ATOSA: variants seen among roughly 807,000 people sequenced by gnomAD.
The protein encoded by ATOSA is atos homolog protein A.
chr15:52,630,654 C>T, the ATOSA span, among the ~76,000 whole-genome samples: 1 of 152,174 alleles, frequency 6.6e-6, no homozygotes, highest in African/African-American at 2.4e-5. Context: ...GAAGTACATA[C>T]TCTACAACTC....
At chr15:52,661,931 C>CAAAAAAAAAAAAAAAAAAAAAAA in the ATOSA span, among the ~76,000 whole-genome samples, 3 of 73,258 alleles carry the variant, frequency 4.1e-5, no homozygotes, top group Non-Finnish European at 7.0e-5. Context: ...CAAGCCAGGC[C>CAAAAAAAAAAAAAAAAAAAAAAA]AAAAAAAAAA....
chr15:52,676,494 T>G, the ATOSA span, among the ~76,000 whole-genome samples: 1 of 151,972 alleles, frequency 6.6e-6, no homozygotes, highest in Non-Finnish European at 1.5e-5. Context: ...AGTAAAAGAT[T>G]ACTTACACTG....
chr15:52,609,231 A>G, the ATOSA span: 1 of 1,611,782 alleles, frequency 6.2e-7, no homozygotes, highest in Non-Finnish European at 8.5e-7. Context: ...AACATTTATT[A>G]GGTACTAAGT....
the ATOSA span, among the ~76,000 whole-genome samples, chr15:52,699,364 C>G: frequency 6.6e-6 from 1 of 152,024 alleles, no homozygotes; most frequent in Admixed American, 6.6e-5. Context: ...GCTCCAAGTT[C>G]CAACATTCCC....
the ATOSA span, chr15:52,584,898 A>G: frequency 3.1e-6 from 5 of 1,613,234 alleles, no homozygotes; most frequent in Non-Finnish European, 4.2e-6. Flanking sequence ...TAAATCATAT[A>G]TCACAACAAA....
chr15:52,696,971 A>G, the ATOSA span, among the ~76,000 whole-genome samples: 3 of 152,152 alleles, frequency 2.0e-5, no homozygotes, highest in Non-Finnish European at 4.4e-5. Flanking sequence ...ATCATATTTA[A>G]TCTATTCAGA....
the ATOSA span, among the ~76,000 whole-genome samples, chr15:52,621,000 A>C: frequency 2.6e-5 from 4 of 152,346 alleles, no homozygotes; most frequent in East Asian, 7.7e-4. Flanking sequence ...GAGTATTGTG[A>C]ATAAAAATTC....
At chr15:52,697,384 G>A in the ATOSA span, among the ~76,000 whole-genome samples, 10 of 152,094 alleles carry the variant, frequency 6.6e-5, no homozygotes, top group African/African-American at 2.4e-4. Flanking sequence ...TTGGTTGCCC[G>A]CTTGCCTCTC....
the ATOSA span, among the ~76,000 whole-genome samples, chr15:52,601,470 GC>G: frequency 6.7e-6 from 1 of 148,504 alleles, no homozygotes; most frequent in East Asian, 2.0e-4. Context: ...GGAACATTTT[GC>G]TTTTTTGTAT....
At chr15:52,590,279 CTTA>C in the ATOSA span, among the ~76,000 whole-genome samples, 7 of 152,260 alleles carry the variant, frequency 4.6e-5, no homozygotes, top group Admixed American at 3.3e-4. Flanking sequence ...TAATGAAAGT[CTTA>C]TTAGAAATTT....
At chr15:52,695,564 C>T in the ATOSA span, among the ~76,000 whole-genome samples, 6 of 152,298 alleles carry the variant, frequency 3.9e-5, no homozygotes, top group Non-Finnish European at 5.9e-5. Context: ...CTGTTGTCGA[C>T]GTTTGGAACA....
chr15:52,659,936 T>C, the ATOSA span, among the ~76,000 whole-genome samples: 1 of 152,116 alleles, frequency 6.6e-6, no homozygotes, highest in Non-Finnish European at 1.5e-5. Flanking sequence ...CATTGTGAAA[T>C]AGGATTGGAC....
At chr15:52,652,138 G>T in the ATOSA span, 1 of 1,186,242 alleles carries the variant, frequency 8.4e-7, no homozygotes, top group African/African-American at 1.6e-5. Flanking sequence ...TGCTCGCTAG[G>T]TCCACTACAG....
the ATOSA span, chr15:52,651,967 C>T: frequency 1.3e-6 from 2 of 1,534,456 alleles, no homozygotes; most frequent in South Asian, 2.4e-5. Context: ...CTATCAGTAA[C>T]TGAGGGATCC....
the ATOSA span, chr15:52,587,379 C>A: frequency 1.7e-6 from 1 of 587,572 alleles, no homozygotes; most frequent in Non-Finnish European, 2.9e-6. Flanking sequence ...GTTTCTACCC[C>A]TAAGGAAACA....
chr15:52,661,726 C>A, the ATOSA span, among the ~76,000 whole-genome samples: 5 of 152,024 alleles, frequency 3.3e-5, no homozygotes, highest in Admixed American at 2.0e-4. Flanking sequence ...AAGGTACAGG[C>A]CATGGTTAGG....
the ATOSA span, among the ~76,000 whole-genome samples, chr15:52,617,703 C>A: frequency 1.5e-4 from 23 of 150,162 alleles, no homozygotes; most frequent in African/African-American, 5.1e-4. Context: ...AGCTTTTACT[C>A]TTATTTTTCA....
the ATOSA span, among the ~76,000 whole-genome samples, chr15:52,673,755 A>G: frequency 6.6e-6 from 1 of 152,316 alleles, no homozygotes. Flanking sequence ...CAATGCACCT[A>G]ATTGCTTTGC....
At chr15:52,600,228 G>A in the ATOSA span, 1 of 1,594,864 alleles carries the variant, frequency 6.3e-7, no homozygotes, top group Non-Finnish European at 8.6e-7. Flanking sequence ...TTTAAACATG[G>A]TCGAGGACTA....
Sources: gnomAD v4.1 joint callset for allele counts (sites outside exome capture counted in the v4.1 genomes callset) on GRCh38, gnomAD v4.1.1 for gene constraint, MANE v1.5 for transcripts, NCBI Gene and HGNC (gene_info 2026-07-23, HGNC 2026-07-21) for gene names.